EPHA10: variants seen among roughly 807,000 people sequenced by gnomAD.
The protein encoded by EPHA10 is ephrin type-A receptor 10.
A neutral mutation model predicts 109.7 loss-of-function variants in EPHA10; 120 were observed. That is an observed-to-expected ratio of 1.09 (90% CI 0.94 to 1.27). The LOEUF (loss-of-function observed/expected upper bound fraction) is 1.27. EPHA10 is among the 50% of genes most tolerant of loss of function. EPHA10 has a pLI of 0.00. For missense variants in EPHA10, 1,396 were observed against 1,411.1 expected, an observed-to-expected ratio of 0.99 and a Z score of 0.17; for synonymous variants, 640 against 618.9, an observed-to-expected ratio of 1.03 and a Z score of -0.51.
At position 37,727,166 on chromosome 1, in the gene EPHA10, C is replaced by T. The variant is rs200982956; in HGVS notation, c.1708G>A (p.Val570Ile). ...ACGAGGAGGGCCGAGATGGTCACTACGGTGACGACAATGGCGGGGCTCTGG... is the reference window on the plus strand; with the variant it reads ...ACGAGGAGGGCCGAGATGGTCACTATGGTGACGACAATGGCGGGGCTCTGG... Reference protein sequence around the residue: ...RDQSPAIVVTVVTISALLVLG... With the variant: ...RDQSPAIVVTIVTISALLVLG... The change falls in exon 8 of 17, where the codon GTA (valine) becomes ATA (isoleucine). Residue 570 changes from valine (V) to isoleucine (I), a missense_variant. Transcript: ENST00000373048. 3.5e-4 allele frequency: 572 copies of T among 1,612,478 alleles called. 3 individuals are homozygous for T. The highest frequency in any genetic ancestry group is 5.0e-4 in the Middle Eastern group (3 of 6,054).
At chr1:37,729,872 CAA>C (rs112155506) in intron 7 of EPHA10, among the ~76,000 whole-genome samples, 8 of 135,822 alleles carry the variant, frequency 5.9e-5, no homozygotes, top group Non-Finnish European at 6.4e-5. Flanking sequence ...GACCCTACCT[CAA>C]AAAAAAAAAA....
rs138095126 is a variant in EPHA10 at position 37,719,444 on chromosome 1, G to A, written c.2726C>T (p.Pro909Leu). ...ACAGGTAGTCAGGGCACACTTGGGG[G>A]GCTCTGGGTCCTGCACCATCTTGCT... ...ILSKMVQDPE[P>L]PKCALTTCPR... Residue 909 changes from proline (P) to leucine (L), a missense_variant, in exon 15 of 17, where the codon CCC (proline) becomes CTC (leucine). Transcript: ENST00000373048. 1.8e-3 allele frequency: 2,832 copies of A among 1,613,616 alleles called. 52 individuals carry two copies. The African/African-American group carries it at 0.033, about 19-fold the overall frequency.
intron 11 of EPHA10, 49 bp from the exon 12 acceptor site, chr1:37,720,893 G>C (rs376046013): frequency 1.3e-6 from 2 of 1,587,082 alleles, no homozygotes; most frequent in Non-Finnish European, 8.6e-7. Context: ...ACTCCACTCC[G>C]CACGCACACA....
chr1:37,730,443 C>G (rs1158035256), intron 7 of EPHA10, among the ~76,000 whole-genome samples: 2 of 152,076 alleles, frequency 1.3e-5, no homozygotes, highest in Non-Finnish European at 2.9e-5. Flanking sequence ...TCCTGAGGAC[C>G]AGGTTAGCAG....
In EPHA10 at chr1:37,764,899, C is replaced by T; in HGVS notation, c.106+62G>A. On this transcript the variant is annotated intron_variant, in intron 1 of 16. Coordinates refer to ENST00000373048, the MANE Select transcript of EPHA10 (RefSeq NM_001099439.2). The surrounding 1 kb of genome is among the most constrained non-coding windows in gnomAD (Gnocchi z 5.8). ...CAATGACTCCTTCCCCCAGAACCCC[C>T]ATCGCCAGCCCCCTATCTTTTGGTA... The T allele has an allele frequency of 2.7e-6, 4 of 1,461,370 alleles. No homozygotes were observed. The highest frequency in any genetic ancestry group is 3.7e-6 in the Non-Finnish European group (4 of 1,071,736). The allele number at this position is 1,461,370 out of a possible 1,614,324, so 90.5% of individuals were successfully genotyped here.
chr1:37,720,798 C>G lies in EPHA10; in HGVS notation c.2193G>C (p.Leu731=), dbSNP rs1645779951. The G allele has an allele frequency of 1.2e-6, 2 of 1,613,976 alleles. No individual in the cohort carries two copies. Among genetic ancestry groups the G allele is most frequent in the Admixed American group, 1.7e-5 (1 of 59,994 alleles). ...GGCCACTCACCCTGAGGAAGCCGTC[C>G]AGGGCCCCATGGCTCATGTACTCGG... The part of the protein sequence containing the change: ...IVTEYMSHGA[L]DGFLRRHEGQ... Residue 731 remains leucine (L), a synonymous_variant, in exon 12 of 17, where the codon CTG becomes CTC. Coordinates refer to ENST00000373048, the MANE Select transcript of EPHA10 (RefSeq NM_001099439.2).
intron 5 of EPHA10, among the ~76,000 whole-genome samples, chr1:37,743,117 G>A (rs904186225): frequency 6.6e-6 from 1 of 152,014 alleles, no homozygotes; most frequent in Non-Finnish European, 1.5e-5. Context: ...TTTTGTTGTT[G>A]TTGACAAACA....
At chr1:37,759,067 T>C (rs1646412109) in intron 3 of EPHA10, among the ~76,000 whole-genome samples, 1 of 152,236 alleles carries the variant, frequency 6.6e-6, no homozygotes, top group African/African-American at 2.4e-5. Context: ...TCCTGCACTA[T>C]TGCACCATCT....
rs41267337 is a variant in EPHA10 at position 37,754,104 on chromosome 1, A to C, written c.1006+111T>G. ...GGGGCGCTGGCCCCCATATCCGCCC[A>C]CGTGCGCCCCAGTGCGGAGACCCTG... On this transcript the variant is annotated intron_variant, in intron 4 of 16. Transcript: ENST00000373048. The surrounding 1 kb of genome is among the most constrained non-coding windows in gnomAD (Gnocchi z 4.5). 0.2 allele frequency: 229,891 copies of C among 1,159,952 alleles called. 23,686 individuals are homozygous for C. Among genetic ancestry groups the C allele is most frequent in the South Asian group, 0.23 (5,374 of 22,874 alleles). 71.9% of individuals were successfully genotyped at this position (1,159,952 alleles called of 1,614,324 possible).
intron 7 of EPHA10, among the ~76,000 whole-genome samples, chr1:37,730,902 G>C (rs1645971408): frequency 6.6e-6 from 1 of 152,058 alleles, no homozygotes; most frequent in Admixed American, 6.6e-5. Flanking sequence ...ATGTTGGCCA[G>C]GCTGGTCTCG....
Position 37,736,580 on chromosome 1 carries a change from C to T in EPHA10, c.1358-1190G>A, listed in dbSNP as rs182791354. Among the ~76,000 whole-genome samples, 1,059 of 148,874 alleles carry T rather than the reference C, an allele frequency of 7.1e-3. 11 individuals are homozygous for T. Among genetic ancestry groups the T allele is most frequent in the African/African-American group, 0.024 (984 of 40,282 alleles). Reference sequence around the variant, plus strand: ...AAAATGAGTTGGGCATGGTGGTGCGCGCCTGTAGTCCCAGCTACTTGGGAG... The same window carrying T: ...AAAATGAGTTGGGCATGGTGGTGCGTGCCTGTAGTCCCAGCTACTTGGGAG... On this transcript the variant is annotated intron_variant, in intron 5 of 16. Coordinates refer to ENST00000373048, the MANE Select transcript of EPHA10 (RefSeq NM_001099439.2).
At chr1:37,734,362 C>T (rs769066592) in intron 6 of EPHA10, among the ~76,000 whole-genome samples, 15 of 152,114 alleles carry the variant, frequency 9.9e-5, no homozygotes, top group Non-Finnish European at 1.8e-4. Flanking sequence ...GATGAAACCT[C>T]GTCTCTACTA....
At position 37,720,468 on chromosome 1, in the gene EPHA10, G is replaced by C. The variant is rs1645772911; in HGVS notation, c.2295C>G (p.Gly765=). Residue 765 remains glycine, a synonymous_variant, in exon 13 of 17, where the codon GGC becomes GGG. Transcript: ENST00000373048. ...ASAMKYLSEM[G]YVHRGLAARH... ...GAGCTGCCAGGCCCCGGTGAACGTA[G>C]CCCATCTCTGACAGATACTTCATGG... 4 of 1,613,608 alleles carry C rather than the reference G, an allele frequency of 2.5e-6. No individual in the cohort carries two copies.
At chr1:37,718,920 G>A in intron 15 of EPHA10, 104 bp from the exon 16 acceptor site, 1 of 1,429,052 alleles carries the variant, frequency 7.0e-7, no homozygotes, top group African/African-American at 1.4e-5. Flanking sequence ...AGAAGGGGAG[G>A]GTAACCGGGC....
At chr1:37,746,103 T>TTTC (rs1278038262) in intron 5 of EPHA10, among the ~76,000 whole-genome samples, 4 of 145,942 alleles carry the variant, frequency 2.7e-5, no homozygotes, top group Non-Finnish European at 6.1e-5. Context: ...TTTCTTTTCT[T>TTTC]TTTTTTTTTT....
chr1:37,761,342 C>A (rs1297628837), intron 3 of EPHA10, 63 bp downstream of exon 3: 1 of 1,561,690 alleles, frequency 6.4e-7, no homozygotes, highest in Admixed American at 1.8e-5. Flanking sequence ...CTAGGGCACA[C>A]TCTCTCTCAA....
At chr1:37,759,439 T>C (rs541722167) in intron 3 of EPHA10, among the ~76,000 whole-genome samples, 5 of 152,312 alleles carry the variant, frequency 3.3e-5, no homozygotes, top group African/African-American at 1.2e-4. Context: ...CTTCTCACCT[T>C]CTCTGGGAAG....
At chr1:37,756,169 C>G (rs1395168837) in intron 3 of EPHA10, among the ~76,000 whole-genome samples, 1 of 152,128 alleles carries the variant, frequency 6.6e-6, no homozygotes, top group East Asian at 1.9e-4. Context: ...GAGACCCAGG[C>G]TGGGACTTGG....
intron 3 of EPHA10, chr1:37,760,340 G>A: frequency 9.5e-7 from 1 of 1,048,832 alleles, no homozygotes; most frequent in Non-Finnish European, 1.2e-6. Context: ...ATCACCCTCT[G>A]TATCCAAAGC....
Sources: allele counts gnomAD v4.1 joint callset (sites outside exome capture counted in the v4.1 genomes callset), GRCh38; gene constraint gnomAD v4.1.1; non-coding constraint Gnocchi (gnomAD v3.1); transcripts MANE v1.5; gene names NCBI Gene and HGNC (gene_info 2026-07-23, HGNC 2026-07-21).